The following PIK3CB variants were observed in gnomAD, a reference collection of about 807,000 sequenced individuals.
PIK3CB encodes the protein phosphatidylinositol 4,5-bisphosphate 3-kinase catalytic subunit beta isoform.
PIK3CB carries 39 observed loss-of-function variants against 136.8 expected under a neutral mutation model. The observed-to-expected ratio is 0.29, with a 90% confidence interval of 0.22 to 0.37. The LOEUF (loss-of-function observed/expected upper bound fraction) is 0.37, where lower values mean the gene tolerates loss of function less well. PIK3CB is among the 10% of genes least tolerant of loss of function. The pLI is 1.00. For missense variants in PIK3CB, 868 were observed against 1,275.4 expected (o/e 0.68, Z 4.87); for synonymous variants, 428 against 436.6 (o/e 0.98, Z 0.25).
At chr3:138,771,940 A>T (rs966370972) in intron 2 of PIK3CB, among the ~76,000 whole-genome samples, 7 of 151,554 alleles carry the variant, frequency 4.6e-5, no homozygotes, top group Non-Finnish European at 8.8e-5. Flanking sequence ...AAAAAAAAAA[A>T]TTTGCAAATA....
In PIK3CB at chr3:138,733,352, G is replaced by A; in HGVS notation, c.1050+9C>T. Reference sequence around the variant, plus strand: ...CGGATGGCAAATTCAAATCTTAGTGGGTACTCACTTTTACAGTTTCCTCTG... The same window carrying A: ...CGGATGGCAAATTCAAATCTTAGTGAGTACTCACTTTTACAGTTTCCTCTG... On this transcript the variant is annotated intron_variant, in intron 8 of 23. Transcript: ENST00000674063. 2 of 1,346,016 alleles carry A rather than the reference G, an allele frequency of 1.5e-6. No individual in the cohort carries two copies. Among genetic ancestry groups the A allele is most frequent in the Non-Finnish European group, 2.1e-6 (2 of 949,094 alleles). The allele number at this position is 1,346,016 out of a possible 1,614,324, so 83.4% of individuals were successfully genotyped here. A position where few individuals can be genotyped will look rare whatever the true frequency, so the allele number is the denominator to read the frequency against.
Position 138,827,825 on chromosome 3 carries a change from C to CAA in PIK3CB, c.-122+6868_-122+6869dup, listed in dbSNP as rs548007402. Among the ~76,000 whole-genome samples, 38 of 130,766 alleles carry CAA rather than the reference C, an allele frequency of 2.9e-4. No individual in the cohort carries two copies. The East Asian group carries it at 5.6e-3, about 19-fold the overall frequency. 85.8% of individuals were successfully genotyped at this position (130,766 alleles called of 152,430 possible). ...AAACCCTGTCTCTACTAAAAAAATA[C>CAA]AAAAAAAAAAAAAATTAGCCGGGCG... On this transcript the variant is annotated intron_variant, in intron 1 of 23. Coordinates refer to ENST00000674063, the MANE Select transcript of PIK3CB (RefSeq NM_006219.3).
chr3:138,762,374 A>G (rs562047746), intron 2 of PIK3CB, among the ~76,000 whole-genome samples: 1 of 152,390 alleles, frequency 6.6e-6, no homozygotes, highest in Admixed American at 6.5e-5. Context: ...AGCCATGCTA[A>G]GATTGATCAC....
At chr3:138,705,186 C>T (rs201997168) in intron 11 of PIK3CB, among the ~76,000 whole-genome samples, 2 of 55,078 alleles carry the variant, frequency 3.6e-5, no homozygotes, top group East Asian at 1.3e-3. Context: ...AAAAACAAAA[C>T]AAACAAAAAA....
intron 9 of PIK3CB, among the ~76,000 whole-genome samples, chr3:138,713,626 G>A (rs1003805992): frequency 2.6e-5 from 4 of 152,090 alleles, no homozygotes; most frequent in African/African-American, 4.8e-5. Context: ...AGCCGAGATC[G>A]TGCCATTGCA....
chr3:138,751,923 A>C (rs1376564892), intron 4 of PIK3CB, among the ~76,000 whole-genome samples: 15 of 150,548 alleles, frequency 1.0e-4, no homozygotes, highest in Non-Finnish European at 5.9e-5. Flanking sequence ...GTGAGCCAAG[A>C]TCACGCCACT....
chr3:138,727,000 G>A (rs1299527512), intron 8 of PIK3CB, among the ~76,000 whole-genome samples: 7 of 151,952 alleles, frequency 4.6e-5, no homozygotes, highest in African/African-American at 7.3e-5. Flanking sequence ...GCAGTGAGCC[G>A]TGTTTATCCA....
intron 19 of PIK3CB, among the ~76,000 whole-genome samples, chr3:138,671,732 T>A (rs1156824454): frequency 6.6e-6 from 1 of 152,264 alleles, no homozygotes; most frequent in Non-Finnish European, 1.5e-5. Flanking sequence ...TACTTCTGCG[T>A]AGAGGGGTGC....
At chr3:138,764,729 C>T (rs1356315506) in intron 2 of PIK3CB, among the ~76,000 whole-genome samples, 1 of 152,180 alleles carries the variant, frequency 6.6e-6, no homozygotes, top group Non-Finnish European at 1.5e-5. Context: ...ATCTCACATT[C>T]TCTCCTGCCT....
chr3:138,764,918 C>T (rs2045711486), intron 2 of PIK3CB, among the ~76,000 whole-genome samples: 1 of 152,196 alleles, frequency 6.6e-6, no homozygotes, highest in Admixed American at 6.5e-5. Context: ...ACTGTGTACT[C>T]ATCTCTCCCT....
chr3:138,685,490 G>T (rs1280387838), intron 16 of PIK3CB, among the ~76,000 whole-genome samples: 2 of 145,864 alleles, frequency 1.4e-5, no homozygotes, highest in South Asian at 2.2e-4. Flanking sequence ...TTGTATAGTA[G>T]AATTTGAGAC....
intron 2 of PIK3CB, among the ~76,000 whole-genome samples, chr3:138,775,472 TG>T (rs1227949031): frequency 6.6e-6 from 1 of 152,114 alleles, no homozygotes; most frequent in Non-Finnish European, 1.5e-5. Flanking sequence ...ATGATTGCAG[TG>T]TTTTTTACCT....
chr3:138,780,159 A>G (rs1223673085), intron 2 of PIK3CB, among the ~76,000 whole-genome samples: 1 of 151,694 alleles, frequency 6.6e-6, no homozygotes, highest in Admixed American at 6.6e-5. Flanking sequence ...GAGTTTTGCT[A>G]ATGTTGGCCA....
chr3:138,663,819 G>C, intron 21 of PIK3CB, 87 bp downstream of exon 21: 1 of 1,344,590 alleles, frequency 7.4e-7, no homozygotes. Context: ...AATCACAAAA[G>C]AATCTGGCTG....
rs34980826 is a variant in PIK3CB at position 138,719,235 on chromosome 3, ATTTTTTTTTTTTTTT to A, written c.1051-4531_1051-4517del. Among the ~76,000 whole-genome samples the A allele has an allele frequency of 2.6e-4, 18 of 69,558 alleles. 1 individual carries two copies. The highest frequency in any genetic ancestry group is 9.1e-4 in the African/African-American group (15 of 16,464). 45.6% of individuals were successfully genotyped at this position (69,558 alleles called of 152,430 possible). A position where few individuals can be genotyped will look rare whatever the true frequency, so the allele number is the denominator to read the frequency against. On this transcript the variant is annotated intron_variant, in intron 8 of 23. Transcript: ENST00000674063. ...TATCAGAAACTTACATTAGCTCAGTATTTTTTTTTTTTTTTTTTTTTTTTTTTTGAGATGAGGTCT... is the reference window on the plus strand; with the variant it reads ...TATCAGAAACTTACATTAGCTCAGTATTTTTTTTTTTTTGAGATGAGGTCT...
At chr3:138,727,143 T>C (rs2044856651) in intron 8 of PIK3CB, among the ~76,000 whole-genome samples, 1 of 151,638 alleles carries the variant, frequency 6.6e-6, no homozygotes, top group African/African-American at 2.4e-5. Context: ...CCCACAGAGA[T>C]GGAAGATGTT....
chr3:138,797,504 G>C (rs553198035), intron 1 of PIK3CB, among the ~76,000 whole-genome samples: 1 of 152,038 alleles, frequency 6.6e-6, no homozygotes, highest in Non-Finnish European at 1.5e-5. Context: ...CAAAACATGT[G>C]GCATGTTTTC....
At chr3:138,737,644 A>T (rs1291742277) in intron 6 of PIK3CB, 63 bp downstream of exon 6, 20 of 462,908 alleles carry the variant, frequency 4.3e-5, no homozygotes, top group East Asian at 9.8e-5. Flanking sequence ...TCAGAAATAA[A>T]ATATATATAT....
At chr3:138,727,068 A>C (rs1381462300) in intron 8 of PIK3CB, among the ~76,000 whole-genome samples, 1 of 152,082 alleles carries the variant, frequency 6.6e-6, no homozygotes, top group East Asian at 1.9e-4. Flanking sequence ...AAAAACAAAC[A>C]AAAAGCCCTA....
Sources: gnomAD v4.1 joint callset for allele counts (sites outside exome capture counted in the v4.1 genomes callset) on GRCh38, gnomAD v4.1.1 for gene constraint, MANE v1.5 for transcripts, NCBI Gene and HGNC (gene_info 2026-07-23, HGNC 2026-07-21) for gene names.